SPIC: variants seen among roughly 807,000 people sequenced by gnomAD.
SPIC encodes the protein transcription factor Spi-C.
Under a neutral mutation model 16.7 loss-of-function variants are expected in SPIC, and 9 were observed. The observed-to-expected ratio is 0.54, with a 90% CI of 0.33 to 0.94. SPIC has a LOEUF of 0.94. Among genes scored for constraint, SPIC ranks in the 40% least tolerant of loss-of-function variants. The probability of loss-of-function intolerance (pLI) is 0.03; values close to 1 mark genes in which losing one functional copy is unlikely to be tolerated. For synonymous variants in SPIC, 97 were observed against 102.9 expected (o/e 0.94, Z 0.35); for missense variants, 241 against 285.8 (o/e 0.84, Z 1.13).
intron 3 of SPIC, among the ~76,000 whole-genome samples, chr12:101,478,625 T>C (rs979124867): frequency 6.6e-6 from 1 of 152,222 alleles, no homozygotes; most frequent in Non-Finnish European, 1.5e-5. Context: ...TTTATTTATC[T>C]AATAGACAGT....
At chr12:101,485,439 C>G (rs920448109) in intron 5 of SPIC, among the ~76,000 whole-genome samples, 1 of 152,158 alleles carries the variant, frequency 6.6e-6, no homozygotes, top group African/African-American at 2.4e-5. Flanking sequence ...TATTCCACAA[C>G]AATGAGAAAT....
Position 101,478,564 on chromosome 12 carries a change from C to A in SPIC, c.97+913C>A, listed in dbSNP as rs1189466184. Among the ~76,000 whole-genome samples the A allele has an allele frequency of 2.6e-5, 4 of 152,200 alleles. No homozygotes were observed. The East Asian group carries it at 7.7e-4, about 29-fold the overall frequency. ...AGAATATAGAGGATGACATTCCACA[C>A]AGAAATACAAAGATATATAATTATC... On this transcript the variant is annotated intron_variant, in intron 3 of 5. Transcript: ENST00000551346.
chr12:101,484,269 C>T (rs1022350298), intron 5 of SPIC, among the ~76,000 whole-genome samples: 1 of 151,972 alleles, frequency 6.6e-6, no homozygotes, highest in Non-Finnish European at 1.5e-5. Flanking sequence ...CATGGTGGCT[C>T]ATGCCTGTAA....
At chr12:101,479,746 C>G (rs1231054507) in intron 4 of SPIC, 52 bp downstream of exon 4, 32 of 1,366,410 alleles carry the variant, frequency 2.3e-5, no homozygotes, top group Non-Finnish European at 3.1e-5. Flanking sequence ...TTCTTGCCAG[C>G]CTTCCATTTC....
chr12:101,481,951 C>T (rs186410101), intron 4 of SPIC, among the ~76,000 whole-genome samples: 4 of 130,498 alleles, frequency 3.1e-5, no homozygotes, highest in South Asian at 2.9e-4. Context: ...CCATGCCTGG[C>T]GTACAAAAAG....
chr12:101,478,774 G>C, intron 3 of SPIC, among the ~76,000 whole-genome samples: 1 of 152,132 alleles, frequency 6.6e-6, no homozygotes, highest in East Asian at 1.9e-4. Flanking sequence ...GGACTATATA[G>C]TCTAAATAGA....
At chr12:101,479,833 T>TG in intron 4 of SPIC, 139 bp downstream of exon 4, 1 of 564,064 alleles carries the variant, frequency 1.8e-6, no homozygotes, top group Non-Finnish European at 3.0e-6. Flanking sequence ...TTTTTTTTTT[T>TG]TGAGATGGAG....
intron 3 of SPIC, among the ~76,000 whole-genome samples, chr12:101,479,352 AAAG>A (rs1171344219): frequency 6.6e-6 from 1 of 150,926 alleles, no homozygotes; most frequent in Non-Finnish European, 1.5e-5. Context: ...AGAAAGAAAG[AAAG>A]AAATCATGCG....
chr12:101,484,395 G>C (rs989035659), intron 5 of SPIC, among the ~76,000 whole-genome samples: 15 of 151,536 alleles, frequency 9.9e-5, no homozygotes, highest in African/African-American at 3.4e-4. Context: ...ATTTAGCCGG[G>C]CATGGTGGTG....
rs957369560 is a variant in SPIC, at chr12:101,486,638, A to G, written c.614A>G (p.Tyr205Cys). 6.2e-7 allele frequency: 1 copy of G among 1,613,944 alleles called. No homozygotes were observed. The highest frequency in any genetic ancestry group is 8.5e-7 in the Non-Finnish European group (1 of 1,179,876). The change falls in exon 6 of 6, where the codon TAT (tyrosine) becomes TGT (cysteine). Residue 205 changes from tyrosine to cysteine, a missense_variant. By Grantham distance (194) the Tyr-to-Cys change is radical. Coordinates refer to ENST00000551346, the MANE Select transcript of SPIC (RefSeq NM_152323.3). ...ATTCTCCAAAGACTCTCTCCATCCT[A>G]TTTCCTGGGGAAAGAGATCTTCTAT... ...EAILQRLSPSYFLGKEIFYSQ... is the reference protein window; with the variant it reads ...EAILQRLSPSCFLGKEIFYSQ...
At chr12:101,484,392 C>T (rs897330061) in intron 5 of SPIC, among the ~76,000 whole-genome samples, 12 of 151,588 alleles carry the variant, frequency 7.9e-5, no homozygotes, top group Non-Finnish European at 1.0e-4. Flanking sequence ...AAAATTTAGC[C>T]GGGCATGGTG....
Position 101,486,447 on chromosome 12 carries a change from G to A in SPIC, c.423G>A (p.Gln141=). 3.1e-6 allele frequency: 5 copies of A among 1,614,142 alleles called. No homozygotes were observed. The highest frequency in any genetic ancestry group is 3.4e-6 in the Non-Finnish European group (4 of 1,180,038). The change falls in exon 6 of 6, where the codon CAG becomes CAA. Residue 141 remains glutamine (Q), a synonymous_variant. Transcript: ENST00000551346. ...QWVDKTKGIF[Q]FVSKNKEKLA... is the part of the protein sequence containing the mutation. ...TAGATAAAACCAAAGGCATCTTTCA[G>A]TTTGTATCAAAAAACAAAGAAAAAC...
At position 101,482,870 on chromosome 12, in the gene SPIC, C is replaced by T. The variant is rs201311054; in HGVS notation, c.289C>T (p.Pro97Ser). ...QNITENQLVQPTLLQQKGGKG... is the reference protein window; with the variant it reads ...QNITENQLVQSTLLQQKGGKG... ...CATAACTGAAAACCAGCTGGTACAA[C>T]CCACTCTTCTCCAGCAAAAGGGGGG... The change falls in exon 5 of 6, where the codon CCC becomes TCC. Residue 97 changes from proline to serine, a missense_variant. By Grantham distance (74) the Pro-to-Ser change is moderately conservative. Coordinates refer to ENST00000551346, the MANE Select transcript of SPIC (RefSeq NM_152323.3). The T allele has an allele frequency of 9.3e-6, 15 of 1,613,878 alleles. No homozygotes were observed. The highest frequency in any genetic ancestry group is 4.0e-5 in the African/African-American group (3 of 74,918).
intron 2 of SPIC, 91 bp downstream of exon 2, chr12:101,476,998 C>T (rs2121238857): frequency 1.5e-6 from 1 of 668,552 alleles, no homozygotes; most frequent in Non-Finnish European, 2.3e-6. Flanking sequence ...ACTCTCCCTC[C>T]ATTTTAAAAA....
At position 101,482,920 on chromosome 12, in the gene SPIC, G is replaced by A. The variant is rs375534227; in HGVS notation, c.319+20G>A. The stretch of plus-strand genomic sequence containing the variant: ...GAAAAGGTACGTTGATCCATCATTC[G>A]TTATACAGGTAAAAGAACCAGATCT... On this transcript the variant is annotated intron_variant, in intron 5 of 5. Transcript: ENST00000551346. 183 of 1,597,326 alleles carry A rather than the reference G, an allele frequency of 1.1e-4. No homozygotes were observed. Among genetic ancestry groups the A allele is most frequent in the Non-Finnish European group, 1.4e-4 (169 of 1,166,418 alleles).
intron 4 of SPIC, among the ~76,000 whole-genome samples, chr12:101,481,212 G>A (rs1181174659): frequency 1.3e-5 from 2 of 151,588 alleles, no homozygotes; most frequent in Non-Finnish European, 2.9e-5. Flanking sequence ...TTTAAGACAG[G>A]GTATTTTTCT....
Position 101,479,710 on chromosome 12 carries a change from T to C in SPIC, c.210+16T>C, listed in dbSNP as rs1301280531. 1.9e-6 allele frequency: 3 copies of C among 1,576,418 alleles called. No homozygotes were observed. Among genetic ancestry groups the C allele is most frequent in the Non-Finnish European group, 2.6e-6 (3 of 1,147,434 alleles). Reference sequence around the variant, plus strand: ...AACGGTAATTGTAAGTATCAGACCATCCCTTAATAACAGGCAAATATCCTA... The same window carrying C: ...AACGGTAATTGTAAGTATCAGACCACCCCTTAATAACAGGCAAATATCCTA... On this transcript the variant is annotated intron_variant, in intron 4 of 5. Coordinates refer to ENST00000551346, the MANE Select transcript of SPIC (RefSeq NM_152323.3).
At chr12:101,479,218 AAGAAG>A in intron 3 of SPIC, among the ~76,000 whole-genome samples, 1 of 122,394 alleles carries the variant, frequency 8.2e-6, no homozygotes, top group South Asian at 2.9e-4. Context: ...GAAAGAAAGA[AAGAAG>A]GAAAGAAAGA....
At chr12:101,484,882 T>C (rs968941536) in intron 5 of SPIC, among the ~76,000 whole-genome samples, 10 of 151,554 alleles carry the variant, frequency 6.6e-5, no homozygotes, top group Non-Finnish European at 4.4e-5. Flanking sequence ...AATTAATAAA[T>C]AAAATAAAAT....
Sources: allele counts gnomAD v4.1 joint callset (sites outside exome capture counted in the v4.1 genomes callset), GRCh38; gene constraint gnomAD v4.1.1; transcripts MANE v1.5; gene names NCBI Gene and HGNC (gene_info 2026-07-23, HGNC 2026-07-21).